The following METTL16 variants were observed in gnomAD, a reference collection of about 807,000 sequenced individuals.
The protein encoded by METTL16 is RNA N(6)-adenosine-methyltransferase METTL16.
A neutral mutation model predicts 57.9 loss-of-function variants in METTL16; 19 were observed. The observed-to-expected ratio is 0.33, with a 90% confidence interval of 0.23 to 0.48. The LOEUF (loss-of-function observed/expected upper bound fraction) is 0.48, where lower values mean the gene tolerates loss of function less well. METTL16 is among the 20% of genes least tolerant of loss of function. The pLI is 0.99. For synonymous variants in METTL16, 246 were observed against 255.6 expected (o/e 0.96, Z 0.36); for missense variants, 434 against 691.5 (o/e 0.63, Z 4.18).
chr17:2,448,757 T>C (rs797015775), intron 6 of METTL16, among the ~76,000 whole-genome samples: 1 of 32,864 alleles, frequency 3.0e-5, no homozygotes, highest in African/African-American at 1.2e-4. Flanking sequence ...AAAAATAAAA[T>C]AAAAAAAATA....
At chr17:2,486,626 C>A (rs1284430448) in intron 2 of METTL16, among the ~76,000 whole-genome samples, 1 of 151,944 alleles carries the variant, frequency 6.6e-6, no homozygotes, top group Admixed American at 6.6e-5. Flanking sequence ...AAAGTTGGAA[C>A]AAAGTGGAAG....
chr17:2,436,852 G>C (rs922670040), intron 8 of METTL16: 1 of 151,932 alleles, frequency 6.6e-6, no homozygotes, highest in Non-Finnish European at 1.5e-5. Context: ...TGAGGACAAA[G>C]AGACATCTGT....
At chr17:2,488,580 T>A (rs978259340) in intron 2 of METTL16, among the ~76,000 whole-genome samples, 6 of 150,498 alleles carry the variant, frequency 4.0e-5, no homozygotes, top group African/African-American at 1.2e-4. Flanking sequence ...AAAAACAAAT[T>A]AAAAAAAACA....
In METTL16 at chr17:2,420,293, G is replaced by C. The variant is rs1210795583; in HGVS notation, c.1366C>G (p.Gln456Glu). The C allele has an allele frequency of 6.2e-7, 1 of 1,613,158 alleles. No individual in the cohort carries two copies. Among genetic ancestry groups the C allele is most frequent in the East Asian group, 2.2e-5 (1 of 44,886 alleles). ...GPCPSQESLS[Q>E]EENPEPTEDE... The stretch of plus-strand genomic sequence containing the variant: ...TCCGTGGGTTCCGGGTTTTCCTCCT[G>C]GGACAGGGACTCCTGGCTCGGGCAC... Residue 456 changes from glutamine (Q) to glutamate (E), a missense_variant, in exon 10 of 10, where the codon CAG becomes GAG. Physicochemically the swap from Gln to Glu is conservative, Grantham distance 29. Around this residue, in one of 5 missense-constraint regions of METTL16, gnomAD observed 168 missense variants for 149.6 expected, o/e 1.12. Coordinates refer to ENST00000263092, the MANE Select transcript of METTL16 (RefSeq NM_024086.4). This position sits in a 1 kb window ranked among gnomAD's most constrained non-coding sequence, Gnocchi z 5.4.
intron 8 of METTL16, among the ~76,000 whole-genome samples, chr17:2,434,184 C>T (rs1445048457): frequency 6.6e-6 from 1 of 152,148 alleles, no homozygotes; most frequent in East Asian, 1.9e-4. Context: ...TACTGGTTTT[C>T]AAACTATTTT....
intron 8 of METTL16, among the ~76,000 whole-genome samples, chr17:2,425,697 T>TC (rs2066812816): frequency 6.6e-6 from 1 of 152,098 alleles, no homozygotes; most frequent in Non-Finnish European, 1.5e-5. Context: ...TCTTGTCTTT[T>TC]TTTTTTTGAG....
At chr17:2,474,035 C>T (rs1425425064) in intron 3 of METTL16, among the ~76,000 whole-genome samples, 1 of 152,104 alleles carries the variant, frequency 6.6e-6, no homozygotes, top group Non-Finnish European at 1.5e-5. Context: ...CTAATTAGAT[C>T]CAACTTCCTA....
intron 2 of METTL16, among the ~76,000 whole-genome samples, chr17:2,478,675 A>G (rs1468738925): frequency 6.6e-6 from 1 of 152,206 alleles, no homozygotes; most frequent in African/African-American, 2.4e-5. Context: ...TGAGGCAACC[A>G]TTGATGTACT....
chr17:2,434,077 A>G (rs1412088910), intron 8 of METTL16, among the ~76,000 whole-genome samples: 1 of 152,206 alleles, frequency 6.6e-6, no homozygotes, highest in African/African-American at 2.4e-5. Context: ...GACCACACTT[A>G]AGAAGAAAAG....
At chr17:2,455,612 A>G (rs956387207) in intron 6 of METTL16, among the ~76,000 whole-genome samples, 3 of 152,154 alleles carry the variant, frequency 2.0e-5, no homozygotes, top group Admixed American at 6.6e-5. Flanking sequence ...TGCCATATCA[A>G]TCCTGAAAGG....
chr17:2,455,743 G>A (rs2067105460), intron 6 of METTL16, among the ~76,000 whole-genome samples: 1 of 152,168 alleles, frequency 6.6e-6, no homozygotes, highest in South Asian at 2.1e-4. Context: ...ACTCTAGGAA[G>A]CCAAGGTGGG....
chr17:2,477,336 C>T lies in METTL16; in HGVS notation c.328+350G>A, dbSNP rs193146276. 47 of 220,930 alleles carry T rather than the reference C, an allele frequency of 2.1e-4. No individual in the cohort carries two copies. In the East Asian group the frequency reaches 4.5e-3, roughly 21 times the overall value. The allele number at this position is 220,930 out of a possible 1,614,324, so 13.7% of individuals were successfully genotyped here. ...AAAGGCCAGGTGTAGTAAAAAAGAA[C>T]GGTAATGCAGGCTGAGGATCCCTAA... is the stretch of plus-strand genomic sequence containing the variant. On this transcript the variant is annotated intron_variant, in intron 3 of 9. Transcript: ENST00000263092.
chr17:2,441,251 G>A (rs61042686), intron 7 of METTL16, among the ~76,000 whole-genome samples: 18,092 of 152,122 alleles, frequency 0.12, 3,461 homozygotes, highest in African/African-American at 0.4. Flanking sequence ...GTGTACACAT[G>A]GAAGCAAAGT....
At chr17:2,484,973 G>A (rs930283415) in intron 2 of METTL16, among the ~76,000 whole-genome samples, 4 of 152,088 alleles carry the variant, frequency 2.6e-5, no homozygotes, top group Admixed American at 6.5e-5. Flanking sequence ...CTAATGGGCC[G>A]CACCCTCTAT....
At chr17:2,475,275 A>G (rs2151568656) in intron 3 of METTL16, 1 of 152,294 alleles carries the variant, frequency 6.6e-6, no homozygotes, top group East Asian at 1.9e-4. Flanking sequence ...CCCCAGTGCT[A>G]CTGGACAAGC....
chr17:2,490,574 T>C (rs563624564), intron 2 of METTL16, among the ~76,000 whole-genome samples: 1 of 152,306 alleles, frequency 6.6e-6, no homozygotes, highest in South Asian at 2.1e-4. Flanking sequence ...AGGAAAAATA[T>C]ATTTCTCTAA....
Position 2,477,719 on chromosome 17 carries a change from C to T in METTL16, c.295G>A (p.Asp99Asn), listed in dbSNP as rs1422441034. ...VEDLIGHQDS[D>N]KSTLRRGIDI... ...ATTCCTCTTCGGAGAGTACTTTTGT[C>T]AGAATCCTGGTGACCGATCAGATCT... The change falls in exon 3 of 10, where the codon GAC becomes AAC. Residue 99 changes from aspartate to asparagine, a missense_variant. By Grantham distance (23) the Asp-to-Asn change is conservative. Coordinates refer to ENST00000263092, the MANE Select transcript of METTL16 (RefSeq NM_024086.4). 3 of 1,613,894 alleles carry T rather than the reference C, an allele frequency of 1.9e-6. No homozygotes were observed. Among genetic ancestry groups the T allele is most frequent in the Non-Finnish European group, 2.5e-6 (3 of 1,179,874 alleles).
At chr17:2,462,511 T>C (rs2067157619) in intron 6 of METTL16, among the ~76,000 whole-genome samples, 1 of 152,196 alleles carries the variant, frequency 6.6e-6, no homozygotes, top group African/African-American at 2.4e-5. Flanking sequence ...TAATCTCTAG[T>C]GTTGGCGACG....
chr17:2,436,334 C>G (rs1285436277), intron 8 of METTL16, among the ~76,000 whole-genome samples: 10 of 152,118 alleles, frequency 6.6e-5, no homozygotes, highest in Admixed American at 6.5e-4. Context: ...AGGAGTCTAC[C>G]CTTCATGGAA....
Sources: allele counts gnomAD v4.1 joint callset (sites outside exome capture counted in the v4.1 genomes callset), GRCh38; gene constraint gnomAD v4.1.1; regional missense constraint gnomAD v4.1.1; non-coding constraint Gnocchi (gnomAD v3.1); transcripts MANE v1.5; gene names NCBI Gene and HGNC (gene_info 2026-07-23, HGNC 2026-07-21).